SRGAP3: variants seen among roughly 807,000 people sequenced by gnomAD.
The protein encoded by SRGAP3 is SLIT-ROBO Rho GTPase activating protein 3.
Under a neutral mutation model 121.1 loss-of-function variants are expected in SRGAP3, and 39 were observed. That is an observed-to-expected ratio of 0.32 (90% CI 0.25 to 0.42). SRGAP3 has a LOEUF of 0.42. Ranked by LOEUF, SRGAP3 falls within the 10% of genes least tolerant of loss-of-function variation. The pLI, the probability that SRGAP3 is intolerant of heterozygous loss-of-function variation, is 1.00. For synonymous variants in SRGAP3, 601 were observed against 570.0 expected, an observed-to-expected ratio of 1.05 and a Z score of -0.77; for missense variants, 1,213 against 1,470.6, an observed-to-expected ratio of 0.82 and a Z score of 2.86.
chr3:9,260,560 C>T (rs1424191236), intron 3 of SRGAP3, among the ~76,000 whole-genome samples: 5 of 152,212 alleles, frequency 3.3e-5, no homozygotes, highest in East Asian at 3.9e-4. Context: ...GAACCCACTG[C>T]GGCGTGGCAT....
chr3:9,165,409 T>A (rs975669780), intron 1 of SRGAP3, among the ~76,000 whole-genome samples: 3 of 152,196 alleles, frequency 2.0e-5, no homozygotes, highest in Non-Finnish European at 4.4e-5. Context: ...CCCTCCTTCA[T>A]CATCCCTGTG....
At chr3:9,265,203 C>T (rs1436042478) in intron 3 of SRGAP3, among the ~76,000 whole-genome samples, 1 of 152,156 alleles carries the variant, frequency 6.6e-6, no homozygotes, top group East Asian at 1.9e-4. Flanking sequence ...CCCTTCCTTA[C>T]ACCTTATACA....
At chr3:9,025,533 C>T (rs1355565696) in intron 13 of SRGAP3, among the ~76,000 whole-genome samples, 195 bp from the exon 14 acceptor site, 3 of 152,160 alleles carry the variant, frequency 2.0e-5, no homozygotes, top group Admixed American at 6.6e-5. Context: ...TCCTTGGACA[C>T]ATCTGCTTCA....
intron 1 of SRGAP3, among the ~76,000 whole-genome samples, chr3:9,198,751 C>T (rs999516064): frequency 5.3e-5 from 8 of 152,190 alleles, no homozygotes; most frequent in African/African-American, 1.9e-4. Flanking sequence ...GAGGCCTTGT[C>T]CTTTCTCTCC....
In SRGAP3 at chr3:8,994,469, C is replaced by G. The variant is rs1363350007; in HGVS notation, c.2282G>C (p.Arg761Pro). The stretch of plus-strand genomic sequence containing the variant: ...GGCCCCCTTCTTGAAGGATAGCTCA[C>G]GCGGGGACCGCCCCATGTAGTCAAA... ...AKFDYMGRSP[R>P]ELSFKKGASL... is the part of the protein sequence containing the mutation. Residue 761 changes from arginine (R) to proline (P), a missense_variant, in exon 19 of 22, where the codon CGT (arginine) becomes CCT (proline). Arg to Pro is a moderately radical substitution (Grantham distance 103). This residue lies in a region of SRGAP3 where 793 missense variants were observed against 1,032.9 expected (regional missense o/e 0.77). Transcript: ENST00000383836. 1.2e-6 allele frequency: 2 copies of G among 1,614,056 alleles called. No individual in the cohort carries two copies. Among genetic ancestry groups the G allele is most frequent in the South Asian group, 1.1e-5 (1 of 91,092 alleles).
chr3:9,315,825 T>C (rs1403022933), intron 3 of SRGAP3, among the ~76,000 whole-genome samples: 1 of 152,074 alleles, frequency 6.6e-6, no homozygotes, highest in Non-Finnish European at 1.5e-5. Flanking sequence ...AAGAATGCAA[T>C]GCTATTAACA....
chr3:9,280,609 G>A (rs1313211472), intron 3 of SRGAP3, among the ~76,000 whole-genome samples: 1 of 152,228 alleles, frequency 6.6e-6, no homozygotes, highest in Non-Finnish European at 1.5e-5. Context: ...GTAACGGTGG[G>A]TCCTCAGCAG....
intron 1 of SRGAP3, among the ~76,000 whole-genome samples, chr3:9,227,459 C>T (rs1953031271): frequency 6.6e-6 from 1 of 152,120 alleles, no homozygotes; most frequent in Admixed American, 6.5e-5. Flanking sequence ...TGCAAGAGTC[C>T]AATGGGTGCC....
Position 9,345,784 on chromosome 3 carries a change from T to A in SRGAP3, n.215-15188A>T, listed in dbSNP as rs1282016810. Among the ~76,000 whole-genome samples the A allele has an allele frequency of 8.0e-3, 241 of 30,126 alleles. 2 individuals are homozygous for A. The highest frequency in any genetic ancestry group is 3.2e-3 in the Non-Finnish European group (58 of 17,920). The allele number at this position is 30,126 out of a possible 152,430, so 19.8% of individuals were successfully genotyped here. A position where few individuals can be genotyped will look rare whatever the true frequency, so the allele number is the denominator to read the frequency against. ...CTGGGTGACAGAGCAAGACTCCAAC[T>A]CAAAAAAAAAAAAAAAAAAAGAAAA... is the stretch of plus-strand genomic sequence containing the variant. On this transcript the variant is annotated intron_variant and non_coding_transcript_variant, in intron 1 of 3. Coordinates refer to the SRGAP3 transcript ENST00000490889.
At chr3:9,150,002 GA>G (rs1255174674) in intron 1 of SRGAP3, among the ~76,000 whole-genome samples, 4 of 152,092 alleles carry the variant, frequency 2.6e-5, no homozygotes, top group Admixed American at 2.6e-4. Flanking sequence ...GGTGGGCAAA[GA>G]ACACACCTGC....
At position 9,013,787 on chromosome 3, in the gene SRGAP3, A is replaced by G. The variant is rs758350907; in HGVS notation, c.1869T>C (p.Leu623=). ...TCATGACCACAATGACCACGCGGGG[A>G]AGGGTGACGAGGATTTGTTGGATCT... ...VHQIQQILVT[L]PRVVIVVMRY... Residue 623 remains leucine, a synonymous_variant, in exon 16 of 22, where the codon CTT becomes CTC. Coordinates refer to ENST00000383836, the MANE Select transcript of SRGAP3 (RefSeq NM_014850.4). 1.2e-6 allele frequency: 2 copies of G among 1,614,150 alleles called. No homozygotes were observed. Among genetic ancestry groups the G allele is most frequent in the Admixed American group, 1.7e-5 (1 of 60,028 alleles).
chr3:9,099,684 G>C (rs542904200), intron 3 of SRGAP3, among the ~76,000 whole-genome samples: 5 of 152,368 alleles, frequency 3.3e-5, no homozygotes, highest in Admixed American at 3.3e-4. Context: ...CCCCAGACCA[G>C]AAGCATGAGT....
chr3:9,150,761 A>G (rs1950185039), intron 1 of SRGAP3, among the ~76,000 whole-genome samples: 1 of 152,242 alleles, frequency 6.6e-6, no homozygotes, highest in Non-Finnish European at 1.5e-5. Flanking sequence ...AAAAAGGGAA[A>G]AAGAACATCT....
At chr3:9,221,636 T>C (rs1255971188) in intron 1 of SRGAP3, among the ~76,000 whole-genome samples, 1 of 152,122 alleles carries the variant, frequency 6.6e-6, no homozygotes, top group Non-Finnish European at 1.5e-5. Flanking sequence ...CCAGACTGCA[T>C]TTACATTACA....
chr3:9,294,709 T>TGTGTGTGC (rs1954923528), intron 3 of SRGAP3, among the ~76,000 whole-genome samples: 1 of 149,900 alleles, frequency 6.7e-6, no homozygotes, highest in Non-Finnish European at 1.5e-5. Context: ...TGTGTGTGTG[T>TGTGTGTGC]GTGTGTGTGT....
chr3:9,276,422 CTGTT>C (rs1427683055), intron 3 of SRGAP3, among the ~76,000 whole-genome samples: 2 of 132,254 alleles, frequency 1.5e-5, no homozygotes, highest in East Asian at 2.0e-4. Flanking sequence ...AGATTTTTGA[CTGTT>C]TGTTTTTTTT....
rs145046376 is a variant in SRGAP3, at chr3:9,247,967, C to A, written c.67+918G>T. Among the ~76,000 whole-genome samples the A allele has an allele frequency of 3.8e-3, 586 of 152,342 alleles. 3 individuals are homozygous for A. Among genetic ancestry groups the A allele is most frequent in the South Asian group, 0.021 (102 of 4,826 alleles). On this transcript the variant is annotated intron_variant, in intron 1 of 21. Coordinates refer to ENST00000383836, the MANE Select transcript of SRGAP3 (RefSeq NM_014850.4). ...CCCCAGTCTGGCCTGAATGAGGATG[C>A]GGCAAGCCCGCATTTAGCCATGCAA...
At chr3:9,191,657 T>C (rs1951756350) in intron 1 of SRGAP3, among the ~76,000 whole-genome samples, 2 of 152,200 alleles carry the variant, frequency 1.3e-5, no homozygotes, top group Admixed American at 6.5e-5. Context: ...AGCTAAATAA[T>C]ATGGCTGGAA....
chr3:9,275,898 G>A (rs1045561161), intron 3 of SRGAP3, among the ~76,000 whole-genome samples: 2 of 152,174 alleles, frequency 1.3e-5, no homozygotes, highest in Non-Finnish European at 1.5e-5. Context: ...AGAATCTACT[G>A]CTAAAAAAAT....
Sources: allele counts gnomAD v4.1 joint callset (sites outside exome capture counted in the v4.1 genomes callset), GRCh38; gene constraint gnomAD v4.1.1; regional missense constraint gnomAD v4.1.1; transcripts MANE v1.5; gene names NCBI Gene and HGNC (gene_info 2026-07-23, HGNC 2026-07-21).